Variants in CYSLTR1 observed in about 807,000 individuals in gnomAD.
CYSLTR1 encodes cysteinyl leukotriene receptor 1, also known as G-protein coupled receptor HG55.
Under a neutral mutation model 2.1 loss-of-function variants are expected in CYSLTR1, and 1 was observed. The ratio of observed to expected loss-of-function variants is 0.48; its 90% CI spans 0.17 to 2.28. CYSLTR1 has a LOEUF of 2.28. CYSLTR1 is among the 30% of genes most tolerant of loss of function. The pLI is 0.26. For missense variants in CYSLTR1, 299 were observed against 250.1 expected, an observed-to-expected ratio of 1.20 and a Z score of -1.32; for synonymous variants, 110 against 89.6, an observed-to-expected ratio of 1.23 and a Z score of -1.28.
rs201027705 is a variant in CYSLTR1, at chrX:78,273,792, A to C, written c.-27-19T>G. 160 of 1,122,845 alleles carry C rather than the reference A, an allele frequency of 1.4e-4. No homozygotes were observed. The highest frequency in any genetic ancestry group is 1.6e-4 in the Non-Finnish European group (131 of 844,719). 92.5% of individuals were successfully genotyped at this position (1,122,845 alleles called of 1,213,427 possible). A position where few individuals can be genotyped will look rare whatever the true frequency, so the allele number is the denominator to read the frequency against. ...TTTGTGCCTATAATAAATAAAAAAA[A>C]TTGTCAATTTTAACTAGACCATAAA... On this transcript the variant is annotated intron_variant, in intron 2 of 2. Coordinates refer to ENST00000373304, the MANE Select transcript of CYSLTR1 (RefSeq NM_006639.4).
chrX:78,313,606 A>T (rs967069980), intron 1 of CYSLTR1, among the ~76,000 whole-genome samples: 1 of 111,904 alleles, frequency 8.9e-6, no homozygotes, highest in Admixed American at 9.5e-5. Context: ...AGATGTATGA[A>T]CTGGTGTAGT....
intron 1 of CYSLTR1, among the ~76,000 whole-genome samples, chrX:78,294,143 T>A (rs1160405515): frequency 8.9e-6 from 1 of 112,373 alleles, no homozygotes; most frequent in Non-Finnish European, 1.9e-5. Flanking sequence ...TCTTTGATGA[T>A]GATGACGTAC....
chrX:78,300,122 C>A (rs1922754808), intron 1 of CYSLTR1, among the ~76,000 whole-genome samples: 1 of 112,214 alleles, frequency 8.9e-6, no homozygotes, highest in Non-Finnish European at 1.9e-5. Context: ...TTTTCAGCTC[C>A]AGGATTTCTA....
chrX:78,315,438 C>A (rs1361299868), intron 1 of CYSLTR1, among the ~76,000 whole-genome samples: 1 of 111,132 alleles, frequency 9.0e-6, no homozygotes, highest in Non-Finnish European at 1.9e-5. Context: ...GGGAGGTAGA[C>A]CACCAAATGA....
In CYSLTR1 at chrX:78,277,406, T is replaced by A. The variant is rs996263973; in HGVS notation, c.-27-3633A>T. Among the ~76,000 whole-genome samples, 3 of 111,767 alleles carry A rather than the reference T, an allele frequency of 2.7e-5. No homozygotes were observed. In the East Asian group the frequency reaches 8.5e-4, roughly 32 times the overall value. ...AGTCGGAGAGCTTTTGTAGATAGAC[T>A]GCCACTAGCATGCAGTTGCCTGCAG... On this transcript the variant is annotated intron_variant, in intron 2 of 2. Coordinates refer to ENST00000373304, the MANE Select transcript of CYSLTR1 (RefSeq NM_006639.4).
At chrX:78,311,781 T>C (rs1603411833) in intron 1 of CYSLTR1, among the ~76,000 whole-genome samples, 1 of 111,289 alleles carries the variant, frequency 9.0e-6, no homozygotes, top group African/African-American at 3.3e-5. Flanking sequence ...ATCAAGAAGA[T>C]TAAAGAGCTC....
At position 78,324,895 on chromosome X, in the gene CYSLTR1, G is replaced by GACACAC. The variant is rs763006501; in HGVS notation, c.-115+2404_-115+2409dup. ...AGTGACTTTAGGTCTTTCTATTTTA[G>GACACAC]ACACACACACACACACACACACAAC... On this transcript the variant is annotated intron_variant, in intron 1 of 2. Coordinates refer to ENST00000373304, the MANE Select transcript of CYSLTR1 (RefSeq NM_006639.4). Among the ~76,000 whole-genome samples, 160 of 106,513 alleles carry GACACAC rather than the reference G, an allele frequency of 1.5e-3. 1 individual carries two copies. Among genetic ancestry groups the GACACAC allele is most frequent in the African/African-American group, 5.2e-3 (151 of 29,215 alleles). 92.5% of individuals were successfully genotyped at this position (106,513 alleles called of 115,157 possible).
intron 1 of CYSLTR1, among the ~76,000 whole-genome samples, chrX:78,323,205 C>T (rs1351588223): frequency 9.0e-6 from 1 of 111,312 alleles, no homozygotes; most frequent in Non-Finnish European, 1.9e-5. Flanking sequence ...AGTAGAGGGC[C>T]TTTTTCCAGG....
intron 1 of CYSLTR1, among the ~76,000 whole-genome samples, chrX:78,297,141 T>G (rs1421445196): frequency 1.8e-5 from 2 of 111,845 alleles, no homozygotes; most frequent in African/African-American, 6.5e-5. Flanking sequence ...AGCATAAAAT[T>G]AAAATGATTA....
intron 1 of CYSLTR1, among the ~76,000 whole-genome samples, chrX:78,311,552 T>C (rs978243934): frequency 9.0e-6 from 1 of 111,520 alleles, no homozygotes; most frequent in African/African-American, 3.3e-5. Context: ...TCAAACTATC[T>C]CTCTGCTGCT....
intron 2 of CYSLTR1, among the ~76,000 whole-genome samples, chrX:78,276,300 A>C (rs181363335): frequency 6.5e-4 from 73 of 111,801 alleles, no homozygotes; most frequent in Non-Finnish European, 1.3e-3. Flanking sequence ...ATCCTCTTTT[A>C]TTCTTTACAA....
intron 1 of CYSLTR1, among the ~76,000 whole-genome samples, chrX:78,306,985 A>C (rs1000654844): frequency 8.9e-6 from 1 of 112,111 alleles, no homozygotes; most frequent in African/African-American, 3.2e-5. Context: ...TTTTTAACTA[A>C]ATTACAAGGA....
chrX:78,289,375 T>C (rs1314698577), intron 1 of CYSLTR1, among the ~76,000 whole-genome samples: 6 of 112,357 alleles, frequency 5.3e-5, no homozygotes, highest in Non-Finnish European at 1.1e-4. Context: ...GATGGACATA[T>C]GGGTTGGTTC....
intron 1 of CYSLTR1, among the ~76,000 whole-genome samples, chrX:78,296,976 A>C (rs1013916635): frequency 5.4e-5 from 6 of 111,592 alleles, no homozygotes; most frequent in Non-Finnish European, 1.1e-4. Context: ...TCCAGATCTT[A>C]GAGGAAAGAC....
chrX:78,278,374 CACA>C (rs1921691205), intron 2 of CYSLTR1, among the ~76,000 whole-genome samples: 1 of 111,701 alleles, frequency 9.0e-6, no homozygotes, highest in Non-Finnish European at 1.9e-5. Flanking sequence ...TCACAATAGC[CACA>C]ACAAGAGTAA....
intron 1 of CYSLTR1, among the ~76,000 whole-genome samples, chrX:78,303,291 G>A (rs911752812): frequency 8.9e-6 from 1 of 111,773 alleles, no homozygotes. Flanking sequence ...GCCACTGCTA[G>A]GAGATGTGGG....
intron 2 of CYSLTR1, among the ~76,000 whole-genome samples, chrX:78,274,909 G>T (rs1921507415): frequency 8.9e-6 from 1 of 111,789 alleles, no homozygotes; most frequent in South Asian, 3.7e-4. Flanking sequence ...CCATCAAAAA[G>T]TGGGCAAAGG....
At chrX:78,282,106 T>C (rs938938151) in intron 2 of CYSLTR1, among the ~76,000 whole-genome samples, 1 of 112,115 alleles carries the variant, frequency 8.9e-6, no homozygotes, top group African/African-American at 3.2e-5. Context: ...CTTTTTTCAC[T>C]GTCTTTTTTT....
At chrX:78,325,208 T>C (rs771848594) in intron 1 of CYSLTR1, among the ~76,000 whole-genome samples, 12 of 111,709 alleles carry the variant, frequency 1.1e-4, no homozygotes, top group Non-Finnish European at 2.1e-4. Flanking sequence ...GTAGGGCTAG[T>C]GACAACTATA....
Sources: allele counts gnomAD v4.1 joint callset (sites outside exome capture counted in the v4.1 genomes callset), GRCh38; gene constraint gnomAD v4.1.1; transcripts MANE v1.5; gene names NCBI Gene and HGNC (gene_info 2026-07-23, HGNC 2026-07-21).